WASHC4: variants seen among roughly 807,000 people sequenced by gnomAD.
The protein encoded by WASHC4 is WASH complex subunit 4.
In WASHC4, 86 loss-of-function variants were observed where a neutral mutation model predicts 166.6. The ratio of observed to expected loss-of-function variants is 0.52; its 90% CI spans 0.43 to 0.62. The LOEUF is 0.62. Ranked by LOEUF, WASHC4 falls within the 20% of genes least tolerant of loss-of-function variation. WASHC4 has a pLI of 0.00. For missense variants in WASHC4, 1,262 were observed against 1,382.4 expected (o/e 0.91, Z 1.38); for synonymous variants, 446 against 451.6 (o/e 0.99, Z 0.16).
rs545794917 is a variant in WASHC4 at position 105,113,674 on chromosome 12, C to G, written c.202-542C>G. Among the ~76,000 whole-genome samples, 4 of 152,066 alleles carry G rather than the reference C, an allele frequency of 2.6e-5. No homozygotes were observed. The South Asian group carries it at 8.3e-4, about 32-fold the overall frequency. On this transcript the variant is annotated intron_variant, in intron 2 of 32. Coordinates refer to ENST00000332180, the MANE Select transcript of WASHC4 (RefSeq NM_015275.3). ...ACCAGAAGGGAGATCTGAGATTTCA[C>G]TTGATAAATAGATCACATATAGTCA...
chr12:105,144,421 A>T lies in WASHC4; in HGVS notation c.2145A>T (p.Pro715=), dbSNP rs749547156. 1.2e-6 allele frequency: 2 copies of T among 1,613,074 alleles called. No homozygotes were observed. Among genetic ancestry groups the T allele is most frequent in the East Asian group, 2.2e-5 (1 of 44,814 alleles). ...TGGCTCTTTTTTTCTCTCTGAATCC[A>T]ATTCGGTTTTTCAATCGTTTCATTG... is the stretch of plus-strand genomic sequence containing the variant. ...KDLALFFSLN[P]IRFFNRFIDI... The change falls in exon 21 of 33, where the codon CCA becomes CCT. Residue 715 remains proline (P), a synonymous_variant. Coordinates refer to ENST00000332180, the MANE Select transcript of WASHC4 (RefSeq NM_015275.3).
chr12:105,146,241 G>T (rs1038451574), intron 22 of WASHC4, among the ~76,000 whole-genome samples: 2 of 152,038 alleles, frequency 1.3e-5, no homozygotes, highest in Non-Finnish European at 2.9e-5. Flanking sequence ...GTTCCTGTCT[G>T]CACAAAAGAT....
intron 19 of WASHC4, 60 bp downstream of exon 19, chr12:105,142,618 T>A: frequency 2.1e-6 from 2 of 961,502 alleles, no homozygotes; most frequent in Non-Finnish European, 3.3e-6. Flanking sequence ...GTGTAAACCG[T>A]TTTAGTTTAA....
At chr12:105,132,846 G>T (rs1881981930) in intron 13 of WASHC4, among the ~76,000 whole-genome samples, 1 of 148,852 alleles carries the variant, frequency 6.7e-6, no homozygotes, top group South Asian at 2.1e-4. Flanking sequence ...TGCTTGGAAT[G>T]GTACCTGTCA....
chr12:105,136,751 C>CT (rs1202454407), intron 14 of WASHC4, among the ~76,000 whole-genome samples: 2 of 152,134 alleles, frequency 1.3e-5, no homozygotes, highest in Non-Finnish European at 2.9e-5. Flanking sequence ...GACTGTGGCT[C>CT]TTTCTGCATG....
At chr12:105,142,072 C>CATGTG (rs1882914459) in intron 18 of WASHC4, among the ~76,000 whole-genome samples, 1 of 150,526 alleles carries the variant, frequency 6.6e-6, no homozygotes, top group African/African-American at 2.5e-5. Context: ...GAAAATGGAG[C>CATGTG]ATGTGATGCA....
In WASHC4 at chr12:105,141,991, T is replaced by G. The variant is rs192383024; in HGVS notation, c.1788-462T>G. Among the ~76,000 whole-genome samples the G allele has an allele frequency of 2.8e-3, 378 of 136,514 alleles. 1 individual carries two copies. Among genetic ancestry groups the G allele is most frequent in the African/African-American group, 8.4e-3 (309 of 36,886 alleles). The allele number at this position is 136,514 out of a possible 152,430, so 89.6% of individuals were successfully genotyped here. A position where few individuals can be genotyped will look rare whatever the true frequency, so the allele number is the denominator to read the frequency against. On this transcript the variant is annotated intron_variant, in intron 18 of 32. Transcript: ENST00000332180. Reference sequence around the variant, plus strand: ...AGATTGTAGACATGTTAAGTGTGGGTTTTTTTTTGGGGCGGGGGGGGTCAC... The same window carrying G: ...AGATTGTAGACATGTTAAGTGTGGGGTTTTTTTTGGGGCGGGGGGGGTCAC...
intron 15 of WASHC4, among the ~76,000 whole-genome samples, chr12:105,138,510 A>C (rs753966075): frequency 6.6e-6 from 1 of 152,162 alleles, no homozygotes; most frequent in African/African-American, 2.4e-5. Flanking sequence ...GAGGTGGTCA[A>C]ATGAATTAAG....
At chr12:105,148,987 C>T in intron 24 of WASHC4, 4 of 983,950 alleles carry the variant, frequency 4.1e-6, no homozygotes, top group Non-Finnish European at 4.8e-6. Context: ...ATGTACTTAA[C>T]ATTCTGAGAA....
Position 105,166,942 on chromosome 12 carries a change from A to G in WASHC4, c.*11A>G, listed in dbSNP as rs776453908. 1.3e-6 allele frequency: 2 copies of G among 1,556,364 alleles called. No individual in the cohort carries two copies. The highest frequency in any genetic ancestry group is 2.2e-5 in the South Asian group (2 of 90,058). On this transcript the variant is annotated 3_prime_UTR_variant, in exon 33 of 33. Coordinates refer to ENST00000332180, the MANE Select transcript of WASHC4 (RefSeq NM_015275.3). ...CCTGTTGTGAAATGATACGGATGGTATTCACTGCACATATGATGAAATCAT... is the reference window on the plus strand; with the variant it reads ...CCTGTTGTGAAATGATACGGATGGTGTTCACTGCACATATGATGAAATCAT...
rs185307875 is a variant in WASHC4, at chr12:105,115,341, T to A, written c.367+112T>A. 4.2e-4 allele frequency: 329 copies of A among 786,900 alleles called. No individual in the cohort carries two copies. In the African/African-American group the frequency reaches 5.0e-3, roughly 12 times the overall value. 48.7% of individuals were successfully genotyped at this position (786,900 alleles called of 1,614,324 possible). A position where few individuals can be genotyped will look rare whatever the true frequency, so the allele number is the denominator to read the frequency against. On this transcript the variant is annotated intron_variant, in intron 5 of 32. Coordinates refer to ENST00000332180, the MANE Select transcript of WASHC4 (RefSeq NM_015275.3). ...TATAATAGTGTGAGAAAAATAAGTATTCATATTTTTTGTTGGTATGTTTGG... is the reference window on the plus strand; with the variant it reads ...TATAATAGTGTGAGAAAAATAAGTAATCATATTTTTTGTTGGTATGTTTGG...
At chr12:105,124,681 A>G (rs1372822926) in intron 10 of WASHC4, among the ~76,000 whole-genome samples, 2 of 151,952 alleles carry the variant, frequency 1.3e-5, no homozygotes, top group African/African-American at 2.4e-5. Flanking sequence ...AGGTTTCACC[A>G]TGTTGGCCAG....
intron 18 of WASHC4, among the ~76,000 whole-genome samples, chr12:105,142,086 A>T (rs1882915717): frequency 6.6e-6 from 1 of 151,602 alleles, no homozygotes; most frequent in Admixed American, 6.6e-5. Context: ...TGATGCAAGT[A>T]TTTAAGTCTA....
intron 1 of WASHC4, among the ~76,000 whole-genome samples, chr12:105,110,417 T>G (rs1490744253): frequency 5.9e-5 from 9 of 152,220 alleles, no homozygotes; most frequent in Admixed American, 5.9e-4. Flanking sequence ...GTGAAATACT[T>G]TGACGAATAG....
At chr12:105,140,502 C>A in intron 16 of WASHC4, 101 bp downstream of exon 16, 2 of 869,278 alleles carry the variant, frequency 2.3e-6, no homozygotes, top group Non-Finnish European at 3.8e-6. Flanking sequence ...TTATTCCATT[C>A]CTTCAAACAT....
intron 29 of WASHC4, among the ~76,000 whole-genome samples, chr12:105,160,480 G>A (rs1196877): frequency 0.5 from 75,732 of 151,834 alleles, 19,087 homozygotes; most frequent in Middle Eastern, 0.68. Flanking sequence ...CCTAGTAGCT[G>A]GGACTACAGG....
At chr12:105,157,187 G>A in intron 27 of WASHC4, 49 bp from the exon 28 acceptor site, 1 of 918,052 alleles carries the variant, frequency 1.1e-6, no homozygotes, top group Non-Finnish European at 1.8e-6. Flanking sequence ...TGTGTCAATT[G>A]CACATATTTT....
rs79531241 is a variant in WASHC4 at position 105,134,903 on chromosome 12, C to T, written c.1326+1007C>T. ...CTGTGTCCCTTTTCTTTTCCTCTCT[C>T]GCTCTTTTTTGGAGTATTTTTAATT... On this transcript the variant is annotated intron_variant, in intron 14 of 32. Transcript: ENST00000332180. 2.9e-3 allele frequency among the ~76,000 whole-genome samples: 442 copies of T among 151,904 alleles called. 18 individuals carry two copies. The East Asian group carries it at 0.072, about 25-fold the overall frequency.
chr12:105,117,226 T>G (rs898552908), intron 6 of WASHC4, among the ~76,000 whole-genome samples: 1 of 152,236 alleles, frequency 6.6e-6, no homozygotes, highest in Admixed American at 6.5e-5. Context: ...TCTGACAGTA[T>G]AATAATAATG....
Sources: gnomAD v4.1 joint callset for allele counts (sites outside exome capture counted in the v4.1 genomes callset) on GRCh38, gnomAD v4.1.1 for gene constraint, MANE v1.5 for transcripts, NCBI Gene and HGNC (gene_info 2026-07-23, HGNC 2026-07-21) for gene names.